The following SLC4A10 variants were observed in gnomAD, a reference collection of about 807,000 sequenced individuals.
The protein encoded by SLC4A10 is solute carrier family 4 member 10.
Under a neutral mutation model 137.7 loss-of-function variants are expected in SLC4A10, and 42 were observed. The observed-to-expected ratio is 0.30, with a 90% CI of 0.24 to 0.39. The LOEUF (loss-of-function observed/expected upper bound fraction) is 0.39, where lower values mean the gene tolerates loss of function less well. Among genes scored for constraint, SLC4A10 ranks in the 10% least tolerant of loss-of-function variants. The pLI is 1.00. For missense variants in SLC4A10, 925 were observed against 1,355.0 expected (o/e 0.68, Z 4.98); for synonymous variants, 474 against 464.1 (o/e 1.02, Z -0.27).
At chr2:161,730,013 A>G (rs2125173242) in intron 1 of SLC4A10, among the ~76,000 whole-genome samples, 1 of 152,342 alleles carries the variant, frequency 6.6e-6, no homozygotes, top group South Asian at 2.1e-4. Context: ...CTGCAAACCC[A>G]AACAGGCTAA....
chr2:161,644,530 G>A (rs1294787587), intron 1 of SLC4A10, among the ~76,000 whole-genome samples: 2 of 151,990 alleles, frequency 1.3e-5, no homozygotes, highest in Non-Finnish European at 2.9e-5. Context: ...GCTTCACATC[G>A]TGGTGAAGTC....
chr2:161,872,436 T>C, intron 7 of SLC4A10, 52 bp downstream of exon 7: 2 of 1,388,968 alleles, frequency 1.4e-6, no homozygotes, highest in South Asian at 2.3e-5. Flanking sequence ...CTACTAGAAA[T>C]TACTACCCAT....
chr2:161,976,815 A>G lies in SLC4A10; in HGVS notation c.3283A>G (p.Arg1095Gly), dbSNP rs945358446. 10 of 1,606,462 alleles carry G rather than the reference A, an allele frequency of 6.2e-6. No individual in the cohort carries two copies. The highest frequency in any genetic ancestry group is 4.0e-5 in the African/African-American group (3 of 74,830). The change falls in exon 25 of 27, where the codon AGG becomes GGG. Residue 1095 changes from arginine to glycine, a missense_variant. Arg to Gly is a moderately radical substitution (Grantham distance 125). Transcript: ENST00000446997. ...TGAAATGTCAAAGACTGCCTTGTGG[A>G]GGAACCTTCTGATTACTGCCGATAA... ...SDEMSKTALW[R>G]NLLITADNSK...
Position 161,835,098 on chromosome 2 carries a change from C to T in SLC4A10, c.278-4691C>T, listed in dbSNP as rs151079018. 7.4e-4 allele frequency among the ~76,000 whole-genome samples: 111 copies of T among 150,156 alleles called. 1 individual carries two copies. The highest frequency in any genetic ancestry group is 1.2e-3 in the Non-Finnish European group (83 of 67,762). On this transcript the variant is annotated intron_variant, in intron 3 of 26. Coordinates refer to ENST00000446997, the MANE Select transcript of SLC4A10 (RefSeq NM_001178015.2). ...TGTCACACAGGCTGGAGAGCAATAG[C>T]GCAATCTTGGCTCACTGCAACCCCC...
chr2:161,759,418 G>A (rs563528187), intron 1 of SLC4A10, among the ~76,000 whole-genome samples: 1 of 151,902 alleles, frequency 6.6e-6, no homozygotes, highest in Admixed American at 6.6e-5. Flanking sequence ...CTCCACATTA[G>A]GTCCCCAAAA....
chr2:161,960,236 C>T (rs188959331), intron 21 of SLC4A10, among the ~76,000 whole-genome samples: 3 of 151,472 alleles, frequency 2.0e-5, no homozygotes, highest in Admixed American at 6.6e-5. Flanking sequence ...TGGTGGTGGG[C>T]GCCTGTAGTC....
At chr2:161,961,776 T>G (rs1390319048) in intron 21 of SLC4A10, among the ~76,000 whole-genome samples, 1 of 152,212 alleles carries the variant, frequency 6.6e-6, no homozygotes, top group African/African-American at 2.4e-5. Context: ...TTTGGAATTA[T>G]TTGGGGTGTG....
At chr2:161,904,997 G>T in intron 14 of SLC4A10, 88 bp downstream of exon 14, 2 of 1,348,130 alleles carry the variant, frequency 1.5e-6, no homozygotes, top group Admixed American at 2.3e-5. Flanking sequence ...TTGGAGGTCT[G>T]TTGATAGAGA....
chr2:161,919,187 G>A (rs1416255571), intron 15 of SLC4A10, among the ~76,000 whole-genome samples: 1 of 152,164 alleles, frequency 6.6e-6, no homozygotes, highest in Admixed American at 6.5e-5. Flanking sequence ...GCACTGACAA[G>A]CATGAGATGG....
chr2:161,824,034 C>T (rs1575140112), intron 3 of SLC4A10, among the ~76,000 whole-genome samples: 4 of 152,130 alleles, frequency 2.6e-5, no homozygotes, highest in South Asian at 2.1e-4. Flanking sequence ...TTGGTTCTAT[C>T]GATGCTTTGT....
chr2:161,831,789 G>T (rs72879233), intron 3 of SLC4A10, among the ~76,000 whole-genome samples: 4 of 152,044 alleles, frequency 2.6e-5, no homozygotes, highest in East Asian at 1.9e-4. Flanking sequence ...GTGGTGAAAA[G>T]GTTCACAAAG....
intron 15 of SLC4A10, among the ~76,000 whole-genome samples, chr2:161,932,047 A>G (rs1195467105): frequency 6.6e-6 from 1 of 152,194 alleles, no homozygotes; most frequent in Non-Finnish European, 1.5e-5. Flanking sequence ...TAATAAATAT[A>G]CTAGGTTTTC....
chr2:161,722,863 C>G (rs912265455), intron 1 of SLC4A10, among the ~76,000 whole-genome samples: 2 of 152,222 alleles, frequency 1.3e-5, no homozygotes, highest in African/African-American at 4.8e-5. Flanking sequence ...CTGTAAACGC[C>G]TGGATGGAGT....
intron 1 of SLC4A10, among the ~76,000 whole-genome samples, chr2:161,679,687 G>A (rs2040639776): frequency 3.5e-4 from 1 of 2,832 alleles, no homozygotes; most frequent in Non-Finnish European, 6.3e-4. Context: ...GTAGGTCAAC[G>A]TGTGTGTGTG....
intron 2 of SLC4A10, among the ~76,000 whole-genome samples, chr2:161,782,960 A>G (rs2053216745): frequency 6.6e-6 from 1 of 151,710 alleles, no homozygotes; most frequent in African/African-American, 2.4e-5. Context: ...AAAAACTCCC[A>G]AGTATGGAAA....
intron 3 of SLC4A10, among the ~76,000 whole-genome samples, chr2:161,815,029 G>T (rs1480565878): frequency 1.3e-5 from 2 of 152,082 alleles, no homozygotes; most frequent in Non-Finnish European, 2.9e-5. Context: ...AACAAAAATA[G>T]TAAAAATAAA....
intron 1 of SLC4A10, among the ~76,000 whole-genome samples, chr2:161,733,140 A>G (rs756173240): frequency 1.1e-4 from 17 of 152,202 alleles, no homozygotes; most frequent in Non-Finnish European, 1.6e-4. Flanking sequence ...TGCATAAGTA[A>G]TGAGGAGCCG....
At chr2:161,924,040 A>G (rs528831847) in intron 15 of SLC4A10, among the ~76,000 whole-genome samples, 8 of 152,266 alleles carry the variant, frequency 5.3e-5, no homozygotes, top group South Asian at 2.1e-4. Flanking sequence ...TTTTGCATTA[A>G]TACTCCATCT....
Position 161,624,509 on chromosome 2 carries a change from G to A in SLC4A10, c.-10G>A, listed in dbSNP as rs1025578028. The A allele has an allele frequency of 6.4e-6, 10 of 1,553,294 alleles. No homozygotes were observed. In the African/African-American group the frequency reaches 6.8e-5, roughly 11 times the overall value. ...AGAGCAAGGTGCTTATTCCAGAGGC[G>A]TTACAAAACATGGAGATTAAAGACC... On this transcript the variant is annotated 5_prime_UTR_variant, in exon 1 of 27. Transcript: ENST00000446997.
Sources: gnomAD v4.1 joint callset for allele counts (sites outside exome capture counted in the v4.1 genomes callset) on GRCh38, gnomAD v4.1.1 for gene constraint, MANE v1.5 for transcripts, NCBI Gene and HGNC (gene_info 2026-07-23, HGNC 2026-07-21) for gene names.